MICAL3: variants seen among roughly 807,000 people sequenced by gnomAD.
The protein encoded by MICAL3 is [F-actin]-monooxygenase MICAL3.
In MICAL3, 62 loss-of-function variants were observed where a neutral mutation model predicts 207.4. The observed-to-expected ratio is 0.30, with a 90% CI of 0.24 to 0.37. The LOEUF (loss-of-function observed/expected upper bound fraction) is 0.37. MICAL3 is among the 10% of genes least tolerant of loss of function. MICAL3 has a pLI of 1.00. For missense variants in MICAL3, 2,368 were observed against 2,635.6 expected (o/e 0.90, Z 2.22); for synonymous variants, 1,077 against 1,069.3 (o/e 1.01, Z -0.14).
chr22:18,002,726 A>T (rs76734954), intron 1 of MICAL3, among the ~76,000 whole-genome samples: 5,364 of 152,288 alleles, frequency 0.035, 117 homozygotes, highest in Middle Eastern at 0.1. Context: ...CAGTTTCATC[A>T]TCTGGTCCAA....
At chr22:17,984,890 A>G (rs577984987) in intron 1 of MICAL3, among the ~76,000 whole-genome samples, 2 of 152,266 alleles carry the variant, frequency 1.3e-5, no homozygotes, top group East Asian at 3.9e-4. Flanking sequence ...TGAAGCCACA[A>G]CTCAACCCCA....
chr22:17,822,006 T>C (rs753111214), intron 24 of MICAL3, 24 bp downstream of exon 24: 68 of 1,611,540 alleles, frequency 4.2e-5, no homozygotes, highest in Admixed American at 8.4e-5. Flanking sequence ...TGAAAGTTGT[T>C]TCTCCCATCA....
intron 19 of MICAL3, among the ~76,000 whole-genome samples, chr22:17,849,643 AATGT>A (rs767166191): frequency 0.025 from 2,995 of 120,164 alleles, 124 homozygotes; most frequent in African/African-American, 0.063. Context: ...CCCAGAATGG[AATGT>A]GTGTGTGTGT....
Position 17,793,560 on chromosome 22 carries a change from A to G in MICAL3, c.5651-2259T>C, listed in dbSNP as rs762873025. 1.3e-5 allele frequency among the ~76,000 whole-genome samples: 2 copies of G among 152,186 alleles called. No homozygotes were observed. The highest frequency in any genetic ancestry group is 2.9e-5 in the Non-Finnish European group (2 of 68,028). On this transcript the variant is annotated intron_variant, in intron 29 of 31. Coordinates refer to ENST00000441493, the MANE Select transcript of MICAL3 (RefSeq NM_015241.3). This position sits in a 1 kb window ranked among gnomAD's most constrained non-coding sequence, Gnocchi z 4.1. Reference sequence around the variant, plus strand: ...GTCCTCCCCATAGACAGTCAAAGGGATACTGTACCTTTAGAAACTGCCACA... The same window carrying G: ...GTCCTCCCCATAGACAGTCAAAGGGGTACTGTACCTTTAGAAACTGCCACA...
chr22:17,875,572 G>C lies in MICAL3; in HGVS notation c.2242-3549C>G, dbSNP rs1216591288. On this transcript the variant is annotated intron_variant, in intron 16 of 31. Transcript: ENST00000441493. ...GGCTCTGGCTATAAAATACAAGATG[G>C]AGAAAAACAAAAGTAAAGGAAATGT... 4 of 1,476,774 alleles carry C rather than the reference G, an allele frequency of 2.7e-6. No homozygotes were observed. In the African/African-American group the frequency reaches 5.7e-5, roughly 21 times the overall value. The allele number at this position is 1,476,774 out of a possible 1,614,324, so 91.5% of individuals were successfully genotyped here. A position where few individuals can be genotyped will look rare whatever the true frequency, so the allele number is the denominator to read the frequency against.
chr22:17,883,298 C>T (rs1009497713), intron 16 of MICAL3, among the ~76,000 whole-genome samples: 1 of 152,224 alleles, frequency 6.6e-6, no homozygotes, highest in Non-Finnish European at 1.5e-5. Flanking sequence ...AAAATTCCAT[C>T]TCAGCCTTTT....
rs567952314 is a variant in MICAL3, at chr22:17,900,288, G to A, written c.847+554C>T. 1.3e-5 allele frequency among the ~76,000 whole-genome samples: 2 copies of A among 152,288 alleles called. No homozygotes were observed. The highest frequency in any genetic ancestry group is 4.8e-5 in the African/African-American group (2 of 41,558). On this transcript the variant is annotated intron_variant, in intron 6 of 31. Transcript: ENST00000441493. The surrounding 1 kb of genome is among the most constrained non-coding windows in gnomAD (Gnocchi z 4.0). ...TGGGAAGAACTAGTGGAGGCAGAAC[G>A]AATGCTTTACAACAAATAAACGAAC...
intron 1 of MICAL3, among the ~76,000 whole-genome samples, chr22:17,942,347 C>T (rs954955757): frequency 6.6e-6 from 1 of 152,202 alleles, no homozygotes; most frequent in African/African-American, 2.4e-5. Flanking sequence ...CCCAGCCCCA[C>T]CAAGAACAGC....
In MICAL3 at chr22:17,902,548, G is replaced by A; in HGVS notation, c.589+83C>T. ...CTAGCTCTGGAAGCAGCCCTCAGGA[G>A]CCTTTGGTTTGCTCCCTCAATCTCA... On this transcript the variant is annotated intron_variant, in intron 4 of 31. Coordinates refer to ENST00000441493, the MANE Select transcript of MICAL3 (RefSeq NM_015241.3). The surrounding 1 kb of genome is among the most constrained non-coding windows in gnomAD (Gnocchi z 4.5). 4 of 799,874 alleles carry A rather than the reference G, an allele frequency of 5.0e-6. No homozygotes were observed. The highest frequency in any genetic ancestry group is 1.7e-5 in the South Asian group (1 of 59,674). The allele number at this position is 799,874 out of a possible 1,614,324, so 49.5% of individuals were successfully genotyped here. A position where few individuals can be genotyped will look rare whatever the true frequency, so the allele number is the denominator to read the frequency against.
chr22:17,882,797 A>G (rs2146211662), intron 16 of MICAL3, among the ~76,000 whole-genome samples: 1 of 152,324 alleles, frequency 6.6e-6, no homozygotes, highest in South Asian at 2.1e-4. Flanking sequence ...CTCCAACTGT[A>G]ATCTCCAGTG....
chr22:17,816,237 AC>A (rs1920995243), intron 27 of MICAL3, among the ~76,000 whole-genome samples: 1 of 151,864 alleles, frequency 6.6e-6, no homozygotes. Context: ...AAGACGACAA[AC>A]CCTCCCTAAC....
chr22:17,887,371 G>A lies in MICAL3; in HGVS notation c.1956C>T (p.Ser652=), dbSNP rs771528217. The A allele has an allele frequency of 1.3e-5, 21 of 1,613,912 alleles. No individual in the cohort carries two copies. Among genetic ancestry groups the A allele is most frequent in the Middle Eastern group, 1.6e-4 (1 of 6,084 alleles). ...TGGTCTGGCCAAGTTTGCTTAGGAA[G>A]GAGATAGGGGATCTGGTGCTGGCTA... The part of the protein sequence containing the change: ...VLIASTRSPI[S]FLSKLGQTIS... The change falls in exon 14 of 32, where the codon TCC becomes TCT. Residue 652 remains serine (S), a synonymous_variant. Transcript: ENST00000441493.
At chr22:17,930,205 C>T (rs989996513) in intron 1 of MICAL3, among the ~76,000 whole-genome samples, 19 of 152,300 alleles carry the variant, frequency 1.2e-4, no homozygotes, top group Admixed American at 5.9e-4. Context: ...TCAGACAATG[C>T]GCGTGGTGAA....
At position 17,898,021 on chromosome 22, in the gene MICAL3, C is replaced by T. The variant is rs534047490; in HGVS notation, c.949-1040G>A. Among the ~76,000 whole-genome samples the T allele has an allele frequency of 2.7e-4, 41 of 152,180 alleles. No individual in the cohort carries two copies. In the South Asian group the frequency reaches 8.3e-3, roughly 31 times the overall value. ...CCAAAACACAAACACTCAGGTTGGT[C>T]CTAGAAAGACTGTTTGCTCAATACT... On this transcript the variant is annotated intron_variant, in intron 7 of 31. Coordinates refer to ENST00000441493, the MANE Select transcript of MICAL3 (RefSeq NM_015241.3).
chr22:17,946,960 C>G lies in MICAL3; in HGVS notation c.-74-40074G>C, dbSNP rs146320563. On this transcript the variant is annotated intron_variant, in intron 1 of 31. Transcript: ENST00000441493. ...CGGAAGATGGGTGGGGAGGGCCCTGCTATCGCCTCTCCATACTTCAGATTT... is the reference window on the plus strand; with the variant it reads ...CGGAAGATGGGTGGGGAGGGCCCTGGTATCGCCTCTCCATACTTCAGATTT... Among the ~76,000 whole-genome samples, 612 of 152,330 alleles carry G rather than the reference C, an allele frequency of 4.0e-3. 3 individuals carry two copies. Among genetic ancestry groups the G allele is most frequent in the African/African-American group, 0.014 (574 of 41,558 alleles).
At chr22:17,938,022 C>T (rs566182474) in intron 1 of MICAL3, among the ~76,000 whole-genome samples, 7 of 152,236 alleles carry the variant, frequency 4.6e-5, no homozygotes, top group South Asian at 4.1e-4. Flanking sequence ...GTCTGTCGGC[C>T]GTGTCTTGCT....
intron 1 of MICAL3, among the ~76,000 whole-genome samples, chr22:17,964,921 A>C (rs762338350): frequency 2.6e-5 from 4 of 152,234 alleles, no homozygotes; most frequent in Non-Finnish European, 5.9e-5. Flanking sequence ...GCGCACTGCT[A>C]AACTGAAGCG....
At chr22:17,843,783 C>A (rs915047440) in intron 19 of MICAL3, among the ~76,000 whole-genome samples, 1 of 152,174 alleles carries the variant, frequency 6.6e-6, no homozygotes, top group Non-Finnish European at 1.5e-5. Context: ...CTCTGGAGAG[C>A]GAACAGTCGT....
chr22:17,862,491 A>C (rs1926629004), intron 19 of MICAL3: 1 of 687,232 alleles, frequency 1.5e-6, no homozygotes, highest in Non-Finnish European at 1.8e-6. Flanking sequence ...CGATCTCCTG[A>C]CCTCGTGATC....
Sources: allele counts gnomAD v4.1 joint callset (sites outside exome capture counted in the v4.1 genomes callset), GRCh38; gene constraint gnomAD v4.1.1; non-coding constraint Gnocchi (gnomAD v3.1); transcripts MANE v1.5; gene names NCBI Gene and HGNC (gene_info 2026-07-23, HGNC 2026-07-21).